MAGI2: variants seen among roughly 807,000 people sequenced by gnomAD.
The protein encoded by MAGI2 is membrane-associated guanylate kinase, WW and PDZ domain-containing protein 2.
Under a neutral mutation model 133.3 loss-of-function variants are expected in MAGI2, and 35 were observed. The ratio of observed to expected loss-of-function variants is 0.26; its 90% CI spans 0.20 to 0.35. MAGI2 has a LOEUF of 0.35. Among genes scored for constraint, MAGI2 ranks in the 10% least tolerant of loss-of-function variants. MAGI2 has a pLI of 1.00. For missense variants in MAGI2, 1,636 were observed against 1,863.4 expected (o/e 0.88, Z 2.25); for synonymous variants, 729 against 710.6 (o/e 1.03, Z -0.41).
At chr7:78,323,085 C>A (rs1181935953) in intron 9 of MAGI2, among the ~76,000 whole-genome samples, 1 of 147,852 alleles carries the variant, frequency 6.8e-6, no homozygotes, top group Non-Finnish European at 1.5e-5. Context: ...GTAAAATTAC[C>A]AAAAAAAAAT....
intron 9 of MAGI2, among the ~76,000 whole-genome samples, chr7:78,322,310 C>A (rs1186493837): frequency 1.3e-5 from 2 of 152,114 alleles, no homozygotes; most frequent in South Asian, 2.1e-4. Flanking sequence ...CACATTCACC[C>A]ATATGTTTAT....
intron 2 of MAGI2, among the ~76,000 whole-genome samples, chr7:78,878,497 ATAG>A (rs1325575657): frequency 3.3e-5 from 5 of 152,232 alleles, no homozygotes; most frequent in Non-Finnish European, 1.5e-5. Context: ...ATTGAAAATA[ATAG>A]TAGTGATTTG....
At chr7:78,982,887 G>GA (rs575508617) in intron 2 of MAGI2, among the ~76,000 whole-genome samples, 1 of 151,576 alleles carries the variant, frequency 6.6e-6, no homozygotes, top group African/African-American at 2.4e-5. Flanking sequence ...TTTGTTCTGT[G>GA]AAAAAAAATT....
intron 3 of MAGI2, among the ~76,000 whole-genome samples, chr7:78,536,758 T>G (rs1470820879): frequency 4.5e-5 from 4 of 88,782 alleles, no homozygotes; most frequent in Non-Finnish European, 8.4e-5. Context: ...TTTTTGTTGT[T>G]GTTTTTTTTT....
intron 1 of MAGI2, among the ~76,000 whole-genome samples, chr7:79,341,880 T>C (rs1399807257): frequency 6.6e-6 from 1 of 152,126 alleles, no homozygotes. Flanking sequence ...TACCCTACAT[T>C]ATTTTGCTGC....
At chr7:79,367,136 A>T (rs1032558097) in intron 1 of MAGI2, among the ~76,000 whole-genome samples, 6 of 152,224 alleles carry the variant, frequency 3.9e-5, no homozygotes, top group African/African-American at 1.4e-4. Flanking sequence ...GCTACAGACC[A>T]AATCCCTCTT....
intron 16 of MAGI2, among the ~76,000 whole-genome samples, chr7:78,137,222 A>G (rs1348749409): frequency 6.6e-6 from 1 of 152,180 alleles, no homozygotes. Context: ...TGGTTCATCA[A>G]TGATTTGGTC....
At chr7:78,676,742 T>C (rs1330529663) in intron 2 of MAGI2, among the ~76,000 whole-genome samples, 1 of 152,128 alleles carries the variant, frequency 6.6e-6, no homozygotes, top group Non-Finnish European at 1.5e-5. Context: ...CTAGTATCTT[T>C]AAAGAAATGC....
chr7:78,984,956 C>T (rs556681508), intron 2 of MAGI2, among the ~76,000 whole-genome samples: 40 of 151,702 alleles, frequency 2.6e-4, no homozygotes, highest in African/African-American at 9.7e-4. Flanking sequence ...ATCAATGAAC[C>T]TCCAAATGGA....
chr7:78,127,488 C>A, intron 18 of MAGI2, 72 bp from the exon 19 acceptor site: 2 of 1,192,446 alleles, frequency 1.7e-6, no homozygotes, highest in Non-Finnish European at 2.4e-6. Flanking sequence ...CACACGGCCT[C>A]CAGAGGTGGG....
At chr7:78,987,271 G>T (rs1012992136) in intron 2 of MAGI2, among the ~76,000 whole-genome samples, 2 of 152,012 alleles carry the variant, frequency 1.3e-5, no homozygotes, top group Non-Finnish European at 2.9e-5. Flanking sequence ...AGATATAGGT[G>T]TGCAAATGAA....
intron 1 of MAGI2, among the ~76,000 whole-genome samples, chr7:79,332,294 TCTA>T (rs1382175843): frequency 3.3e-5 from 5 of 152,246 alleles, no homozygotes; most frequent in African/African-American, 1.2e-4. Context: ...AATTGGTCAC[TCTA>T]CCACTTTCCC....
intron 16 of MAGI2, among the ~76,000 whole-genome samples, chr7:78,149,304 T>TCTGGTAGGGAATG (rs1486621252): frequency 1.3e-5 from 2 of 152,166 alleles, no homozygotes; most frequent in East Asian, 3.9e-4. Flanking sequence ...GCCTAATGTA[T>TCTGGTAGGGAATG]CCGTCTTATA....
At chr7:79,035,448 A>G (rs1402125969) in intron 1 of MAGI2, among the ~76,000 whole-genome samples, 2 of 152,202 alleles carry the variant, frequency 1.3e-5, no homozygotes, top group African/African-American at 2.4e-5. Context: ...TCACATAAAC[A>G]TCTGCAACAT....
intron 2 of MAGI2, among the ~76,000 whole-genome samples, chr7:78,914,399 G>A (rs1173850006): frequency 6.6e-6 from 1 of 151,904 alleles, no homozygotes; most frequent in Non-Finnish European, 1.5e-5. Flanking sequence ...TGGAATGAAT[G>A]GTGTACTTTT....
intron 20 of MAGI2, among the ~76,000 whole-genome samples, chr7:78,124,681 G>GACAC (rs143567278): frequency 2.0e-5 from 3 of 150,570 alleles, no homozygotes; most frequent in Middle Eastern, 3.4e-3. Context: ...TTCATACACC[G>GACAC]ACACACACAC....
chr7:78,284,223 A>G (rs1265430272), intron 9 of MAGI2, among the ~76,000 whole-genome samples: 1 of 152,086 alleles, frequency 6.6e-6, no homozygotes, highest in Non-Finnish European at 1.5e-5. Flanking sequence ...TCCCCTAGGC[A>G]AATGTTTTTT....
In MAGI2 at chr7:78,018,580, A is replaced by G. The variant is rs1422889298; in HGVS notation, c.*735T>C. ...TATGGCAAACTGTTCCCTAGGATAC[A>G]ATTTTTAAAACCTTTTTTTTCTACC... is the stretch of plus-strand genomic sequence containing the variant. On this transcript the variant is annotated 3_prime_UTR_variant, in exon 22 of 22. Transcript: ENST00000354212. The G allele has an allele frequency of 6.6e-6, 1 of 152,270 alleles. No homozygotes were observed. The highest frequency in any genetic ancestry group is 1.9e-4 in the East Asian group (1 of 5,202). 9.4% of individuals were successfully genotyped at this position (152,270 alleles called of 1,614,324 possible).
In MAGI2 at chr7:78,452,611, T is replaced by C. The variant is rs12672155; in HGVS notation, c.1045+37150A>G. On this transcript the variant is annotated intron_variant, in intron 6 of 21. Transcript: ENST00000354212. ...TGCAGTGTTTAATTAATTTTTATAA[T>C]AAAGACATAATCTTTTCACAGGAGA... 2.8e-3 allele frequency among the ~76,000 whole-genome samples: 423 copies of C among 151,974 alleles called. 6 individuals carry two copies. The East Asian group carries it at 0.037, about 13-fold the overall frequency.
Sources: allele counts gnomAD v4.1 joint callset (sites outside exome capture counted in the v4.1 genomes callset), GRCh38; gene constraint gnomAD v4.1.1; transcripts MANE v1.5; gene names NCBI Gene and HGNC (gene_info 2026-07-23, HGNC 2026-07-21).